Variants in CDH12 observed in about 807,000 individuals in gnomAD.
CDH12 encodes cadherin 12.
CDH12 carries 41 observed loss-of-function variants against 74.1 expected under a neutral mutation model. The ratio of observed to expected loss-of-function variants is 0.55; its 90% confidence interval spans 0.43 to 0.72. The LOEUF is 0.72. CDH12 is among the 30% of genes least tolerant of loss of function. The pLI is 0.00. For synonymous variants in CDH12, 399 were observed against 355.0 expected (o/e 1.12, Z -1.39); for missense variants, 945 against 977.2 (o/e 0.97, Z 0.44).
intron 1 of CDH12, among the ~76,000 whole-genome samples, chr5:22,715,787 T>A: frequency 7.5e-6 from 1 of 132,800 alleles, no homozygotes; most frequent in South Asian, 2.4e-4. Context: ...AGCTACAGAG[T>A]GAGATCCCAT....
chr5:21,957,790 A>T (rs1350661584), intron 6 of CDH12, among the ~76,000 whole-genome samples: 1 of 151,906 alleles, frequency 6.6e-6, no homozygotes, highest in Non-Finnish European at 1.5e-5. Context: ...AATTTGTTTA[A>T]ATTCCTTATA....
chr5:21,993,109 CAT>C (rs1168399215), intron 5 of CDH12, among the ~76,000 whole-genome samples: 5 of 152,122 alleles, frequency 3.3e-5, no homozygotes, highest in African/African-American at 1.2e-4. Flanking sequence ...CCTCCTCCAA[CAT>C]GTGGATATTA....
At chr5:22,424,739 T>C (rs1284771063) in intron 2 of CDH12, among the ~76,000 whole-genome samples, 5 of 152,168 alleles carry the variant, frequency 3.3e-5, no homozygotes, top group African/African-American at 4.8e-5. Flanking sequence ...CTCTACCTTA[T>C]ATAGTCTTAC....
At position 21,956,386 on chromosome 5, in the gene CDH12, T is replaced by C. The variant is rs111867874; in HGVS notation, c.526+18705A>G. Among the ~76,000 whole-genome samples the C allele has an allele frequency of 7.2e-3, 1,090 of 152,208 alleles. 16 individuals are homozygous for C. Among genetic ancestry groups the C allele is most frequent in the African/African-American group, 0.025 (1,041 of 41,574 alleles). ...TTTAAAAAAAGCATTGTCATCCAAG[T>C]AGATGTGTCTATTAAATAGTTGTTC... On this transcript the variant is annotated intron_variant, in intron 6 of 14. Transcript: ENST00000382254.
intron 6 of CDH12, among the ~76,000 whole-genome samples, chr5:21,958,622 C>G (rs955322360): frequency 2.0e-5 from 3 of 151,926 alleles, no homozygotes; most frequent in Admixed American, 6.6e-5. Context: ...GGCTTTATTT[C>G]TGGGTTCTTT....
At chr5:22,513,951 G>GAAAAA (rs34448733) in intron 1 of CDH12, among the ~76,000 whole-genome samples, 13 of 100,514 alleles carry the variant, frequency 1.3e-4, no homozygotes, top group African/African-American at 4.8e-4. Flanking sequence ...TCCGTGTCAG[G>GAAAAA]AAAAAAAAAA....
intron 1 of CDH12, among the ~76,000 whole-genome samples, chr5:22,760,391 C>T (rs1026128641): frequency 2.6e-5 from 4 of 152,006 alleles, no homozygotes; most frequent in Admixed American, 6.6e-5. Flanking sequence ...TTGAAAAAAG[C>T]GTAAATGGGC....
chr5:22,186,823 T>C (rs1749979433), intron 4 of CDH12, among the ~76,000 whole-genome samples: 2 of 152,254 alleles, frequency 1.3e-5, no homozygotes, highest in African/African-American at 2.4e-5. Context: ...TAAGTTGTAA[T>C]GACACAGTTG....
At chr5:22,726,894 T>C (rs1025118603) in intron 1 of CDH12, among the ~76,000 whole-genome samples, 1 of 151,824 alleles carries the variant, frequency 6.6e-6, no homozygotes, top group East Asian at 1.9e-4. Flanking sequence ...AAAAGAATAC[T>C]TATATATTGT....
intron 7 of CDH12, among the ~76,000 whole-genome samples, chr5:21,848,258 A>G (rs530917002): frequency 9.9e-5 from 15 of 152,212 alleles, no homozygotes; most frequent in African/African-American, 3.1e-4. Context: ...CATAGACTCC[A>G]GTGTGAACCA....
At chr5:22,432,584 A>C (rs2126523459) in intron 2 of CDH12, among the ~76,000 whole-genome samples, 1 of 151,658 alleles carries the variant, frequency 6.6e-6, no homozygotes, top group East Asian at 1.9e-4. Context: ...TGTGTATAAA[A>C]TCTTCTATTC....
intron 5 of CDH12, among the ~76,000 whole-genome samples, chr5:21,992,642 A>C (rs1485248658): frequency 1.3e-5 from 2 of 152,316 alleles, no homozygotes; most frequent in South Asian, 2.1e-4. Flanking sequence ...GAGATTAAAA[A>C]AAAATTAGTT....
chr5:22,466,519 C>G (rs1188635573), intron 2 of CDH12, among the ~76,000 whole-genome samples: 4 of 152,078 alleles, frequency 2.6e-5, no homozygotes, highest in Admixed American at 1.3e-4. Context: ...GTATGTGAGA[C>G]TCTGCGTTTG....
intron 3 of CDH12, among the ~76,000 whole-genome samples, chr5:22,326,402 G>GT (rs1161997053): frequency 2.6e-5 from 4 of 151,868 alleles, no homozygotes; most frequent in Admixed American, 2.6e-4. Flanking sequence ...CGCCGGGCTA[G>GT]TTTTTTGTAT....
intron 3 of CDH12, among the ~76,000 whole-genome samples, chr5:22,263,762 C>T (rs1047453251): frequency 7.2e-5 from 11 of 151,972 alleles, no homozygotes; most frequent in Non-Finnish European, 2.9e-5. Flanking sequence ...GTTTATTTCA[C>T]CTTCACAATA....
At chr5:22,061,554 T>G (rs1473004208) in intron 5 of CDH12, among the ~76,000 whole-genome samples, 2 of 152,292 alleles carry the variant, frequency 1.3e-5, no homozygotes. Context: ...CACTCTATTT[T>G]TCTGTGTTAT....
At chr5:22,480,277 A>G (rs1235515400) in intron 2 of CDH12, among the ~76,000 whole-genome samples, 1 of 151,848 alleles carries the variant, frequency 6.6e-6, no homozygotes, top group Non-Finnish European at 1.5e-5. Context: ...ACCAGGAGCA[A>G]AGTACATTTA....
chr5:21,865,400 G>T (rs1214435321), intron 6 of CDH12, among the ~76,000 whole-genome samples: 1 of 152,186 alleles, frequency 6.6e-6, no homozygotes, highest in African/African-American at 2.4e-5. Flanking sequence ...AAGGGGGGCA[G>T]GTGCTATTCT....
chr5:22,376,843 A>C (rs540925947), intron 3 of CDH12, among the ~76,000 whole-genome samples: 1 of 152,030 alleles, frequency 6.6e-6, no homozygotes, highest in Non-Finnish European at 1.5e-5. Flanking sequence ...ATTGTAACAA[A>C]TACATGTACC....
Sources: allele counts gnomAD v4.1 joint callset (sites outside exome capture counted in the v4.1 genomes callset), GRCh38; gene constraint gnomAD v4.1.1; transcripts MANE v1.5; gene names NCBI Gene and HGNC (gene_info 2026-07-23, HGNC 2026-07-21).